The following CP variants were observed in gnomAD, a reference collection of about 807,000 sequenced individuals.
CP encodes caeruloplasmin.
Under a neutral mutation model 122.4 loss-of-function variants are expected in CP, and 64 were observed. That is an observed-to-expected ratio of 0.52 (90% CI 0.43 to 0.64). The LOEUF (loss-of-function observed/expected upper bound fraction) is 0.64, where lower values mean the gene tolerates loss of function less well. Among genes scored for constraint, CP ranks in the 30% least tolerant of loss-of-function variants. CP has a pLI of 0.00. For synonymous variants in CP, 440 were observed against 436.4 expected (o/e 1.01, Z -0.10); for missense variants, 1,167 against 1,284.4 (o/e 0.91, Z 1.40).
In CP at chr3:149,173,457, T is replaced by C. The variant is rs1437157797; in HGVS notation, c.*257A>G. 1 of 291,988 alleles carries C rather than the reference T, an allele frequency of 3.4e-6. No homozygotes were observed. Among genetic ancestry groups the C allele is most frequent in the African/African-American group, 2.2e-5 (1 of 45,394 alleles). The allele number at this position is 291,988 out of a possible 1,614,324, so 18.1% of individuals were successfully genotyped here. A position where few individuals can be genotyped will look rare whatever the true frequency, so the allele number is the denominator to read the frequency against. Reference sequence around the variant, plus strand: ...CAGTTTTATAAAACCCTAACAGCGGTGATATCATTAGACTGTATGAATCAG... The same window carrying C: ...CAGTTTTATAAAACCCTAACAGCGGCGATATCATTAGACTGTATGAATCAG... On this transcript the variant is annotated 3_prime_UTR_variant, in exon 19 of 19. Coordinates refer to ENST00000264613, the MANE Select transcript of CP (RefSeq NM_000096.4).
chr3:149,207,113 TA>T (rs1359661885), intron 5 of CP, among the ~76,000 whole-genome samples: 2 of 152,166 alleles, frequency 1.3e-5, no homozygotes, highest in African/African-American at 4.8e-5. Context: ...GCTGAGTAAG[TA>T]TATATAGTAC....
At chr3:149,221,589 C>G (rs1728809040) in intron 1 of CP, 58 bp downstream of exon 1, 1 of 1,525,282 alleles carries the variant, frequency 6.6e-7, no homozygotes, top group African/African-American at 1.4e-5. Context: ...CTTATTGGCT[C>G]TATCCTTTAA....
chr3:149,189,367 C>T (rs775836207), intron 9 of CP, among the ~76,000 whole-genome samples: 2 of 151,850 alleles, frequency 1.3e-5, no homozygotes, highest in Non-Finnish European at 2.9e-5. Flanking sequence ...TCCTGGCTAA[C>T]ATGTGAAACC....
In CP at chr3:149,202,117, G is replaced by A. The variant is rs1002980718; in HGVS notation, c.1333C>T (p.His445Tyr). The A allele has an allele frequency of 1.9e-6, 3 of 1,613,982 alleles. No individual in the cohort carries two copies. In the Admixed American group the frequency reaches 5.0e-5, roughly 27 times the overall value. Reference protein sequence around the residue: ...NRKERGPEEEHLGILGPVIWA... With the variant: ...NRKERGPEEEYLGILGPVIWA... ...AAGAACTCACCCAGGATGCCAAGAT[G>A]CTCTTCTTCAGGGCCTCTCTCCTTT... The change falls in exon 7 of 19, where the codon CAT becomes TAT. Residue 445 changes from histidine to tyrosine, a missense_variant. By Grantham distance (83) the His-to-Tyr change is moderately conservative (BLOSUM62 2). Transcript: ENST00000264613.
chr3:149,198,179 G>T (rs1178805513), intron 9 of CP, among the ~76,000 whole-genome samples, 188 bp downstream of exon 9: 4 of 152,190 alleles, frequency 2.6e-5, no homozygotes, highest in African/African-American at 9.7e-5. Flanking sequence ...TAACTTTAAA[G>T]AGTTATGATG....
At position 149,178,602 on chromosome 3, in the gene CP, CAG is replaced by C. The variant is rs386134153; in HGVS notation, c.2689_2690del (p.Leu897AspfsTer27). On this transcript the variant is annotated frameshift_variant, in exon 16 of 19. Transcript: ENST00000264613. LOFTEE classifies it high-confidence loss of function. ...TCAAGTAAGGTCTTCGACAAACAATCAGGGGGCCAATTAATCCACTGTAGAGG... is the reference window on the plus strand; with the variant it reads ...TCAAGTAAGGTCTTCGACAAACAATCGGGGCCAATTAATCCACTGTAGAGG... ...KDLYSGLIGP[L>X]IVCRRPYLKV... is the part of the protein sequence containing the mutation. 6 of 1,612,830 alleles carry C rather than the reference CAG, an allele frequency of 3.7e-6. No individual in the cohort carries two copies. Among genetic ancestry groups the C allele is most frequent in the African/African-American group, 1.3e-5 (1 of 74,846 alleles).
chr3:149,213,550 G>C (rs929512119), intron 1 of CP, among the ~76,000 whole-genome samples: 1 of 152,076 alleles, frequency 6.6e-6, no homozygotes, highest in African/African-American at 2.4e-5. Flanking sequence ...CATTTGGCAG[G>C]ACCCACTTAG....
Position 149,212,527 on chromosome 3 carries a change from A to C in CP, c.318T>G (p.Tyr106Ter). 6.2e-7 allele frequency: 1 copy of C among 1,614,042 alleles called. No individual in the cohort carries two copies. Among genetic ancestry groups the C allele is most frequent in the South Asian group, 1.1e-5 (1 of 91,076 alleles). The change falls in exon 2 of 19, where the codon TAT becomes TAG. Residue 106 changes from tyrosine to a stop codon, truncating the protein, a stop_gained. Coordinates refer to ENST00000264613, the MANE Select transcript of CP (RefSeq NM_000096.4). LOFTEE classifies it high-confidence loss of function. ...IIKAETGDKV[Y>*]VHLKNLASRP... ...TAGAGGCAAGGTTTTTTAAGTGTAC[A>C]TAAACTTTATCTCCAGTTTCAGCTT... is the stretch of plus-strand genomic sequence containing the variant.
intron 12 of CP, 91 bp downstream of exon 12, chr3:149,185,148 T>C: frequency 1.6e-6 from 2 of 1,238,062 alleles, no homozygotes; most frequent in South Asian, 2.6e-5. Flanking sequence ...GCAACTTTTT[T>C]TTTTTTCTAA....
chr3:149,193,034 A>G (rs960997257), intron 9 of CP, among the ~76,000 whole-genome samples: 1 of 151,944 alleles, frequency 6.6e-6, no homozygotes, highest in Non-Finnish European at 1.5e-5. Flanking sequence ...AAATTTCTTT[A>G]ACCCTTACTT....
chr3:149,167,917 C>G (rs1386112864), downstream of CP: 1 of 1,606,040 alleles, frequency 6.2e-7, no homozygotes. Context: ...AAAACTGTTG[C>G]CTGAACTTTG....
chr3:149,210,081 C>A, intron 3 of CP, 86 bp downstream of exon 3: 1 of 1,352,326 alleles, frequency 7.4e-7, no homozygotes, highest in Non-Finnish European at 1.1e-6. Context: ...AATCTCAGCA[C>A]AGAAGACTTG....
In CP at chr3:149,177,868, T is replaced by C. The variant is rs1725518340; in HGVS notation, c.2990A>G (p.His997Arg). ...GTATTGGAAGCTATGGCCGTGAAAA[T>C]GTACAGTGTGTAAGTCTATTTCATT... Reference protein sequence around the residue: ...MGNEIDLHTVHFHGHSFQYKH... With the variant: ...MGNEIDLHTVRFHGHSFQYKH... Residue 997 changes from histidine (H) to arginine (R), a missense_variant, in exon 17 of 19, where the codon CAT becomes CGT. Physicochemically the swap from His to Arg is conservative, Grantham distance 29. This residue lies in a region of CP where 525 missense variants were observed against 657.2 expected (regional missense o/e 0.80). Coordinates refer to ENST00000264613, the MANE Select transcript of CP (RefSeq NM_000096.4). The C allele has an allele frequency of 6.2e-7, 1 of 1,613,842 alleles. No homozygotes were observed. The highest frequency in any genetic ancestry group is 1.1e-5 in the South Asian group (1 of 91,072).
At chr3:149,189,975 T>A (rs529126093) in intron 9 of CP, among the ~76,000 whole-genome samples, 2 of 152,150 alleles carry the variant, frequency 1.3e-5, no homozygotes, top group African/African-American at 2.4e-5. Context: ...ATGTATAGAA[T>A]GTAACTACAC....
rs1296120443 is a variant in CP, at chr3:149,202,374, T to A, written c.1209-133A>T. 26 of 1,120,584 alleles carry A rather than the reference T, an allele frequency of 2.3e-5. No individual in the cohort carries two copies. In the East Asian group the frequency reaches 5.8e-4, roughly 25 times the overall value. 69.4% of individuals were successfully genotyped at this position (1,120,584 alleles called of 1,614,324 possible). A position where few individuals can be genotyped will look rare whatever the true frequency, so the allele number is the denominator to read the frequency against. On this transcript the variant is annotated intron_variant, in intron 6 of 18. Transcript: ENST00000264613. ...GAATATTATCCATGATTTATAGCAA[T>A]CCGTACCAGTTACTCAAACAAAGCA... is the stretch of plus-strand genomic sequence containing the variant.
chr3:149,177,938 T>C lies in CP; in HGVS notation c.2920A>G (p.Met974Val). The change falls in exon 17 of 19, where the codon ATG becomes GTG. Residue 974 changes from methionine (M) to valine (V), a missense_variant. By Grantham distance (21) the Met-to-Val change is conservative. This residue lies in a region of CP where 525 missense variants were observed against 657.2 expected (regional missense o/e 0.80). Transcript: ENST00000264613. The stretch of plus-strand genomic sequence containing the variant: ...CAGTTGACTTCATCTCCCACGTGCA[T>C]TGTGAGGCCTTGTAGGTTTCCAAAC... ...RMFGNLQGLT[M>V]HVGDEVNWYL... The C allele has an allele frequency of 1.9e-6, 3 of 1,613,354 alleles. No individual in the cohort carries two copies. Among genetic ancestry groups the C allele is most frequent in the Non-Finnish European group, 2.5e-6 (3 of 1,179,286 alleles).
chr3:149,208,165 G>T (rs1727869446), intron 4 of CP, among the ~76,000 whole-genome samples: 1 of 151,928 alleles, frequency 6.6e-6, no homozygotes. Context: ...AAATGTAGAA[G>T]GGCAGCAGGG....
intron 9 of CP, among the ~76,000 whole-genome samples, chr3:149,188,490 CAAAAAAAAAA>C (rs60815739): frequency 5.0e-4 from 23 of 46,100 alleles, no homozygotes; most frequent in Admixed American, 1.7e-3. Context: ...TTGAAGCCTC[CAAAAAAAAAA>C]AAAAAAAAAA....
At chr3:149,184,813 C>T (rs539488712) in intron 12 of CP, among the ~76,000 whole-genome samples, 20 of 152,210 alleles carry the variant, frequency 1.3e-4, no homozygotes, top group African/African-American at 4.6e-4. Context: ...CCATACGTAA[C>T]GGTTTTAAGG....
Sources: allele counts gnomAD v4.1 joint callset (sites outside exome capture counted in the v4.1 genomes callset), GRCh38; gene constraint gnomAD v4.1.1; regional missense constraint gnomAD v4.1.1; transcripts MANE v1.5; gene names NCBI Gene and HGNC (gene_info 2026-07-23, HGNC 2026-07-21).